Variants in RAVER1 observed in about 807,000 individuals in gnomAD.
The protein encoded by RAVER1 is ribonucleoprotein PTB-binding 1.
RAVER1 carries 36 observed loss-of-function variants against 68.4 expected under a neutral mutation model. The observed-to-expected ratio is 0.53, with a 90% confidence interval of 0.40 to 0.70. The LOEUF is 0.70. Among genes scored for constraint, RAVER1 ranks in the 30% least tolerant of loss-of-function variants. The pLI is 0.00. For missense variants in RAVER1, 933 were observed against 1,019.8 expected, an observed-to-expected ratio of 0.91 and a Z score of 1.16; for synonymous variants, 469 against 472.7, an observed-to-expected ratio of 0.99 and a Z score of 0.10.
Position 10,328,524 on chromosome 19 carries a change from C to T in RAVER1, c.756+118G>A. On this transcript the variant is annotated intron_variant, in intron 3 of 12. Coordinates refer to ENST00000617231, the MANE Select transcript of RAVER1 (RefSeq NM_133452.3). The surrounding 1 kb of genome is among the most constrained non-coding windows in gnomAD (Gnocchi z 4.4). ...CTGAGATTGTATCACTGCACTCCAG[C>T]ATGGGTGACAAAGTGAGACTGTCTC... The T allele has an allele frequency of 1.5e-6, 1 of 680,316 alleles. No homozygotes were observed. The highest frequency in any genetic ancestry group is 2.4e-6 in the Non-Finnish European group (1 of 408,876). The allele number at this position is 680,316 out of a possible 1,614,324, so 42.1% of individuals were successfully genotyped here.
rs147028380 is a variant in RAVER1 at position 10,327,394 on chromosome 19, G to C, written c.756+1248C>G. ...TCCTCCCACCTCAGCCTCCTGAGTA[G>C]CTGGGACTACAGGCACACCATCATA... On this transcript the variant is annotated intron_variant, in intron 3 of 12. Transcript: ENST00000617231. Among the ~76,000 whole-genome samples, 945 of 152,086 alleles carry C rather than the reference G, an allele frequency of 6.2e-3. 14 individuals are homozygous for C. Among genetic ancestry groups the C allele is most frequent in the African/African-American group, 0.021 (877 of 41,478 alleles).
At chr19:10,331,131 C>T (rs577450026) in intron 1 of RAVER1, among the ~76,000 whole-genome samples, 33 of 148,846 alleles carry the variant, frequency 2.2e-4, no homozygotes, top group African/African-American at 1.5e-4. Context: ...GGGTGGATCA[C>T]GAGGTCAGGA....
At position 10,323,577 on chromosome 19, in the gene RAVER1, A is replaced by G; in HGVS notation, c.757-11T>C. On this transcript the variant is annotated splice_polypyrimidine_tract_variant and intron_variant, in intron 3 of 12. Coordinates refer to ENST00000617231, the MANE Select transcript of RAVER1 (RefSeq NM_133452.3). This position sits in a 1 kb window ranked among gnomAD's most constrained non-coding sequence, Gnocchi z 6.2. ...CTGGCCGCACGCCAGCTGCCGGAGGAAGGCAGGCAGTCATGAGCATCTGGG... is the reference window on the plus strand; with the variant it reads ...CTGGCCGCACGCCAGCTGCCGGAGGGAGGCAGGCAGTCATGAGCATCTGGG... The G allele has an allele frequency of 6.4e-7, 1 of 1,571,304 alleles. No individual in the cohort carries two copies. Among genetic ancestry groups the G allele is most frequent in the Non-Finnish European group, 8.6e-7 (1 of 1,160,448 alleles).
At chr19:10,332,912 C>T (rs368822571) in intron 1 of RAVER1, among the ~76,000 whole-genome samples, 1 of 152,184 alleles carries the variant, frequency 6.6e-6, no homozygotes, top group African/African-American at 2.4e-5. Flanking sequence ...TCCCGCCACC[C>T]TGTGGTAGAG....
chr19:10,319,316 C>T, intron 9 of RAVER1, 76 bp from the exon 10 acceptor site: 2 of 1,445,676 alleles, frequency 1.4e-6, no homozygotes, highest in Admixed American at 3.6e-5. Context: ...CATGGCAGAG[C>T]TGTCATCAGG....
intron 1 of RAVER1, among the ~76,000 whole-genome samples, chr19:10,332,811 T>G (rs961462264): frequency 7.0e-6 from 1 of 141,972 alleles, no homozygotes; most frequent in Admixed American, 6.8e-5. Flanking sequence ...GGGGCTGCTG[T>G]TAACTTCCGG....
chr19:10,328,748 A>C lies in RAVER1; in HGVS notation c.650T>G (p.Leu217Arg). Residue 217 changes from leucine (L) to arginine (R), a missense_variant, in exon 3 of 13, where the codon CTT becomes CGT. Around this residue, in one of 3 missense-constraint regions of RAVER1, gnomAD observed 699 missense variants for 731.1 expected, o/e 0.96. Coordinates refer to ENST00000617231, the MANE Select transcript of RAVER1 (RefSeq NM_133452.3). This position sits in a 1 kb window ranked among gnomAD's most constrained non-coding sequence, Gnocchi z 4.4. Reference sequence around the variant, plus strand: ...CACACAGAGGCAGCGGGAGTGGAGAAGGGCAGGCGTCAGTTGCCCGGCATC... The same window carrying C: ...CACACAGAGGCAGCGGGAGTGGAGACGGGCAGGCGTCAGTTGCCCGGCATC... ...WTDAGQLTPA[L>R]LHSRCLCVDR... The C allele has an allele frequency of 2.5e-6, 4 of 1,612,754 alleles. No homozygotes were observed. The highest frequency in any genetic ancestry group is 3.4e-6 in the Non-Finnish European group (4 of 1,179,772).
At position 10,329,008 on chromosome 19, in the gene RAVER1, C is replaced by T. The variant is rs200705649; in HGVS notation, c.390G>A (p.Thr130=). 8.7e-5 allele frequency: 138 copies of T among 1,578,312 alleles called. 1 individual carries two copies. The highest frequency in any genetic ancestry group is 1.7e-4 in the Admixed American group (10 of 57,172). Residue 130 remains threonine, a synonymous_variant, in exon 3 of 13, where the codon ACG becomes ACA. Coordinates refer to ENST00000617231, the MANE Select transcript of RAVER1 (RefSeq NM_133452.3). This position sits in a 1 kb window ranked among gnomAD's most constrained non-coding sequence, Gnocchi z 4.6. The part of the protein sequence containing the change: ...ERELSVQLQP[T]DALLCVANLP... ...GGTTGGCCACACACAGCAGGGCATCCGTGGGCTGCAGCTGCACCGACAGTT... is the reference window on the plus strand; with the variant it reads ...GGTTGGCCACACACAGCAGGGCATCTGTGGGCTGCAGCTGCACCGACAGTT...
intron 8 of RAVER1, 31 bp from the exon 9 acceptor site, chr19:10,320,982 C>A: frequency 6.7e-7 from 1 of 1,486,204 alleles, no homozygotes; most frequent in South Asian, 1.4e-5. Flanking sequence ...TCGAGAGGGC[C>A]CCCGGGAGAG....
chr19:10,320,725 C>T lies in RAVER1; in HGVS notation c.1700G>A (p.Ser567Asn). The T allele has an allele frequency of 6.5e-7, 1 of 1,538,204 alleles. No individual in the cohort carries two copies. The highest frequency in any genetic ancestry group is 8.7e-7 in the Non-Finnish European group (1 of 1,151,402). Residue 567 changes from serine to asparagine, a missense_variant, in exon 9 of 13, where the codon AGC (serine) becomes AAC (asparagine). Ser to Asn is a conservative substitution (Grantham distance 46, BLOSUM62 1). Around this residue, in one of 3 missense-constraint regions of RAVER1, gnomAD observed 699 missense variants for 731.1 expected, o/e 0.96. Coordinates refer to ENST00000617231, the MANE Select transcript of RAVER1 (RefSeq NM_133452.3). ...KAFQLKSRLL[S>N]PLSSARLPPE... Reference sequence around the variant, plus strand: ...GGGCAGGCGGGCGCTGCTGAGGGGGCTGAGCAGGCGGGACTTGAGCTGGAA... The same window carrying T: ...GGGCAGGCGGGCGCTGCTGAGGGGGTTGAGCAGGCGGGACTTGAGCTGGAA...
intron 1 of RAVER1, among the ~76,000 whole-genome samples, chr19:10,332,193 T>A (rs1271600454): frequency 6.6e-6 from 1 of 152,110 alleles, no homozygotes; most frequent in Non-Finnish European, 1.5e-5. Flanking sequence ...GATGAGGGTT[T>A]CACTATACCG....
In RAVER1 at chr19:10,317,417, T is replaced by C; in HGVS notation, c.*37A>G. On this transcript the variant is annotated 3_prime_UTR_variant, in exon 13 of 13. Coordinates refer to ENST00000617231, the MANE Select transcript of RAVER1 (RefSeq NM_133452.3). This position sits in a 1 kb window ranked among gnomAD's most constrained non-coding sequence, Gnocchi z 4.3. ...AACATCAGAAAACCCAAAAGCGATT[T>C]GGTGCAGGCCCTTGAGTTATCTCTG... The C allele has an allele frequency of 6.2e-7, 1 of 1,604,644 alleles. No homozygotes were observed. Among genetic ancestry groups the C allele is most frequent in the South Asian group, 1.1e-5 (1 of 89,864 alleles).
Position 10,323,550 on chromosome 19 carries a change from T to C in RAVER1, c.773A>G (p.Asp258Gly), listed in dbSNP as rs2040454386. ...CACCGCGAAGCCCTTCAGCTGCCCA[T>C]CCTGGCCGCACGCCAGCTGCCGGAG... ...PTFCQLACGQ[D>G]GQLKGFAVLE... is the part of the protein sequence containing the mutation. Residue 258 changes from aspartate (D) to glycine (G), a missense_variant, in exon 4 of 13, where the codon GAT becomes GGT. Asp to Gly is a moderately conservative substitution (Grantham distance 94, BLOSUM62 -1). This residue lies in a region of RAVER1 where 699 missense variants were observed against 731.1 expected (regional missense o/e 0.96). Coordinates refer to ENST00000617231, the MANE Select transcript of RAVER1 (RefSeq NM_133452.3). This position sits in a 1 kb window ranked among gnomAD's most constrained non-coding sequence, Gnocchi z 6.2. The C allele has an allele frequency of 1.3e-6, 2 of 1,590,552 alleles. No individual in the cohort carries two copies. Among genetic ancestry groups the C allele is most frequent in the African/African-American group, 1.3e-5 (1 of 74,532 alleles).
In RAVER1 at chr19:10,321,550, G is replaced by A. The variant is rs2040438196; in HGVS notation, c.1242C>T (p.Leu414=). The change falls in exon 7 of 13, where the codon CTC becomes CTT. Residue 414 remains leucine, a synonymous_variant. Coordinates refer to ENST00000617231, the MANE Select transcript of RAVER1 (RefSeq NM_133452.3). ...CGTTACCTGCAGGCAGCTCCCCGAG[G>A]AGGGGGTTGGCTGGCTGGGCCCCAG... ...LQPGAQPANP[L]LGELPAGGGL... 3.7e-6 allele frequency: 5 copies of A among 1,366,886 alleles called. No homozygotes were observed. The highest frequency in any genetic ancestry group is 1.5e-5 in the African/African-American group (1 of 66,642). 84.7% of individuals were successfully genotyped at this position (1,366,886 alleles called of 1,614,324 possible). A position where few individuals can be genotyped will look rare whatever the true frequency, so the allele number is the denominator to read the frequency against.
At position 10,317,872 on chromosome 19, in the gene RAVER1, G is replaced by A. The variant is rs1599297282; in HGVS notation, c.1990-99C>T. ...CTGCCCCCCAGCCCTGAGGGAAAGCGAACAGTTTCAGGTTCAAATCTTGCT... is the reference window on the plus strand; with the variant it reads ...CTGCCCCCCAGCCCTGAGGGAAAGCAAACAGTTTCAGGTTCAAATCTTGCT... On this transcript the variant is annotated intron_variant, in intron 11 of 12. Transcript: ENST00000617231. The surrounding 1 kb of genome is among the most constrained non-coding windows in gnomAD (Gnocchi z 4.3). 4 of 740,552 alleles carry A rather than the reference G, an allele frequency of 5.4e-6. No homozygotes were observed. The highest frequency in any genetic ancestry group is 7.1e-6 in the Non-Finnish European group (3 of 423,270). The allele number at this position is 740,552 out of a possible 1,614,324, so 45.9% of individuals were successfully genotyped here. A position where few individuals can be genotyped will look rare whatever the true frequency, so the allele number is the denominator to read the frequency against.
rs1414140448 is a variant in RAVER1, at chr19:10,329,747, C to A, written c.287-636G>T. ...CAGGAAGCTTTGTTCAAAACGATCA[C>A]GCCACATCCATCTTGTGGCTTCTAG... On this transcript the variant is annotated intron_variant, in intron 2 of 12. Transcript: ENST00000617231. The surrounding 1 kb of genome is among the most constrained non-coding windows in gnomAD (Gnocchi z 4.6). Among the ~76,000 whole-genome samples, 1 of 152,156 alleles carries A rather than the reference C, an allele frequency of 6.6e-6. No individual in the cohort carries two copies. Among genetic ancestry groups the A allele is most frequent in the Non-Finnish European group, 1.5e-5 (1 of 68,006 alleles).
In RAVER1 at chr19:10,317,708, A is replaced by C; in HGVS notation, c.2055T>G (p.Gly685=). Residue 685 remains glycine, a synonymous_variant, in exon 12 of 13, where the codon GGT becomes GGG. Transcript: ENST00000617231. The surrounding 1 kb of genome is among the most constrained non-coding windows in gnomAD (Gnocchi z 4.3). ...GLLGLSPGPN[G]HSHLLKTPLG... The stretch of plus-strand genomic sequence containing the variant: ...CCCGTACCTTCAGCAGGTGGCTGTG[A>C]CCATTAGGCCCGGGGCTGAGGCCCA... 2 of 1,592,422 alleles carry C rather than the reference A, an allele frequency of 1.3e-6. No homozygotes were observed. Among genetic ancestry groups the C allele is most frequent in the South Asian group, 2.3e-5 (2 of 88,090 alleles).
intron 1 of RAVER1, among the ~76,000 whole-genome samples, chr19:10,331,684 CAAAAAAAAAAA>C (rs61614587): frequency 2.0e-4 from 15 of 73,286 alleles, no homozygotes; most frequent in African/African-American, 8.1e-4. Flanking sequence ...GACTCCGTCT[CAAAAAAAAAAA>C]AAAAAAAAAA....
In RAVER1 at chr19:10,320,896, A is replaced by G; in HGVS notation, c.1529T>C (p.Leu510Pro). ...KDYRIPLNPY[L>P]NLHSLLPASN... is the part of the protein sequence containing the mutation. Reference sequence around the variant, plus strand: ...GGCCGGGAGCAGGCTGTGTAGGTTCAGGTAGGGATTCAGGGGAATCCGGTA... The same window carrying G: ...GGCCGGGAGCAGGCTGTGTAGGTTCGGGTAGGGATTCAGGGGAATCCGGTA... Residue 510 changes from leucine (L) to proline (P), a missense_variant, in exon 9 of 13, where the codon CTG (leucine) becomes CCG (proline). Coordinates refer to ENST00000617231, the MANE Select transcript of RAVER1 (RefSeq NM_133452.3). 2 of 1,512,180 alleles carry G rather than the reference A, an allele frequency of 1.3e-6. No homozygotes were observed. Among genetic ancestry groups the G allele is most frequent in the South Asian group, 1.3e-5 (1 of 74,730 alleles). 93.7% of individuals were successfully genotyped at this position (1,512,180 alleles called of 1,614,324 possible).
Sources: allele counts gnomAD v4.1 joint callset (sites outside exome capture counted in the v4.1 genomes callset), GRCh38; gene constraint gnomAD v4.1.1; regional missense constraint gnomAD v4.1.1; non-coding constraint Gnocchi (gnomAD v3.1); transcripts MANE v1.5; gene names NCBI Gene and HGNC (gene_info 2026-07-23, HGNC 2026-07-21).